EPCIP: variants seen among roughly 807,000 people sequenced by gnomAD.
EPCIP encodes the protein exosomal polycystin 1 interacting protein.
chr21:32,794,021 G>A, the EPCIP span: 1 of 1,614,164 alleles, frequency 6.2e-7, no homozygotes, highest in Non-Finnish European at 8.5e-7. Flanking sequence ...CTCTGGGAAG[G>A]GATGCTTGGC....
chr21:32,805,915 G>A, the EPCIP span, among the ~76,000 whole-genome samples: 5 of 152,116 alleles, frequency 3.3e-5, no homozygotes, highest in East Asian at 5.8e-4. Flanking sequence ...AAGCCCAAAT[G>A]GATACATCTG....
the EPCIP span, among the ~76,000 whole-genome samples, chr21:32,796,592 A>G: frequency 6.6e-6 from 1 of 152,224 alleles, no homozygotes; most frequent in Non-Finnish European, 1.5e-5. Flanking sequence ...ATTAATAGGT[A>G]CATTTTGTCA....
At chr21:32,792,342 G>T in the EPCIP span, among the ~76,000 whole-genome samples, 2 of 152,128 alleles carry the variant, frequency 1.3e-5, no homozygotes, top group African/African-American at 2.4e-5. Flanking sequence ...CCTTCACTTT[G>T]CAATCTTAAC....
chr21:32,798,391 A>T, the EPCIP span: 1 of 152,308 alleles, frequency 6.6e-6, no homozygotes, highest in Non-Finnish European at 1.5e-5. Flanking sequence ...GTCTCTCTGG[A>T]TGGCTTCTTG....
the EPCIP span, among the ~76,000 whole-genome samples, chr21:32,807,459 A>G: frequency 1.3e-5 from 2 of 150,982 alleles, no homozygotes; most frequent in Non-Finnish European, 2.9e-5. Context: ...CAGCCTCCCG[A>G]GTAGCTGGGA....
chr21:32,797,861 A>G, the EPCIP span: 3 of 152,196 alleles, frequency 2.0e-5, no homozygotes, highest in East Asian at 5.8e-4. Flanking sequence ...CAGCTACTCA[A>G]AAAAGGTTGT....
At chr21:32,800,187 T>C in the EPCIP span, among the ~76,000 whole-genome samples, 2 of 152,230 alleles carry the variant, frequency 1.3e-5, no homozygotes, top group African/African-American at 4.8e-5. Flanking sequence ...CAATATCTCC[T>C]TACTAGTAAT....
At chr21:32,806,428 A>G in the EPCIP span, among the ~76,000 whole-genome samples, 1 of 152,216 alleles carries the variant, frequency 6.6e-6, no homozygotes, top group South Asian at 2.1e-4. Context: ...CATTGTGCGC[A>G]TAGGCAAGAC....
chr21:32,800,932 T>C, the EPCIP span, among the ~76,000 whole-genome samples: 1 of 152,240 alleles, frequency 6.6e-6, no homozygotes, highest in African/African-American at 2.4e-5. Context: ...TATTGCGTCT[T>C]ACAACCTAGG....
the EPCIP span, among the ~76,000 whole-genome samples, chr21:32,811,785 A>C: frequency 6.6e-6 from 1 of 152,236 alleles, no homozygotes; most frequent in Non-Finnish European, 1.5e-5. Context: ...GTGACCTTTA[A>C]GAGGGCGGTG....
At chr21:32,810,569 C>T in the EPCIP span, 16 of 470,296 alleles carry the variant, frequency 3.4e-5, no homozygotes, top group East Asian at 2.1e-4. Flanking sequence ...CCCTGATCTT[C>T]TTACCTGTTA....
the EPCIP span, chr21:32,794,564 C>A: frequency 6.5e-6 from 5 of 774,914 alleles, no homozygotes; most frequent in Non-Finnish European, 1.0e-5. Flanking sequence ...CAGAAAAAAA[C>A]AAGTTGTAAA....
At chr21:32,795,404 T>C in the EPCIP span, among the ~76,000 whole-genome samples, 1 of 152,164 alleles carries the variant, frequency 6.6e-6, no homozygotes, top group South Asian at 2.1e-4. Flanking sequence ...TCCTCCTTTG[T>C]GGTGTGATTG....
At chr21:32,794,224 G>T in the EPCIP span, 1 of 1,614,278 alleles carries the variant, frequency 6.2e-7, no homozygotes, top group Middle Eastern at 1.6e-4. Flanking sequence ...CAAGGGGCAG[G>T]ACGGTTTTAC....
chr21:32,805,684 C>G, the EPCIP span, among the ~76,000 whole-genome samples: 1 of 152,130 alleles, frequency 6.6e-6, no homozygotes, highest in South Asian at 2.1e-4. Context: ...TTTTTTATAG[C>G]AGCAATAGGA....
the EPCIP span, chr21:32,798,992 T>C: frequency 1.3e-5 from 2 of 151,754 alleles, no homozygotes; most frequent in Non-Finnish European, 2.9e-5. Flanking sequence ...AATAATGAAA[T>C]AAATAACCAA....
At chr21:32,795,987 T>TCCTTCCCTCCTTCCC in the EPCIP span, among the ~76,000 whole-genome samples, 38 of 141,964 alleles carry the variant, frequency 2.7e-4, no homozygotes, top group Middle Eastern at 3.4e-3. Context: ...CTTCCTTCCC[T>TCCTTCCCTCCTTCCC]CCTTCCCTCC....
At chr21:32,810,095 A>G in the EPCIP span, among the ~76,000 whole-genome samples, 1 of 151,726 alleles carries the variant, frequency 6.6e-6, no homozygotes, top group African/African-American at 2.4e-5. Flanking sequence ...TCCTGGTCTC[A>G]TTTTGTTTGA....
At chr21:32,808,199 A>C in the EPCIP span, among the ~76,000 whole-genome samples, 1 of 152,262 alleles carries the variant, frequency 6.6e-6, no homozygotes, top group South Asian at 2.1e-4. Context: ...AAGCTAACTC[A>C]GGGAGAGCTT....
Sources: gnomAD v4.1 joint callset for allele counts (sites outside exome capture counted in the v4.1 genomes callset) on GRCh38, gnomAD v4.1.1 for gene constraint, MANE v1.5 for transcripts, NCBI Gene and HGNC (gene_info 2026-07-23, HGNC 2026-07-21) for gene names.